CRYBB2: variants seen among roughly 807,000 people sequenced by gnomAD.
CRYBB2 encodes beta-crystallin B2.
In CRYBB2, 12 loss-of-function variants were observed where a neutral mutation model predicts 24.3. The ratio of observed to expected loss-of-function variants is 0.49; its 90% CI spans 0.32 to 0.80. CRYBB2 has a LOEUF of 0.80. Ranked by LOEUF, CRYBB2 falls within the 30% of genes least tolerant of loss-of-function variation. CRYBB2 has a pLI of 0.04. For synonymous variants in CRYBB2, 98 were observed against 101.6 expected (o/e 0.96, Z 0.21); for missense variants, 198 against 268.5 (o/e 0.74, Z 1.83).
chr22:25,218,773 GAGAGAGAAGAAAGAAAGA>G (rs1935248294), upstream of CRYBB2, among the ~76,000 whole-genome samples: 3 of 32,252 alleles, frequency 9.3e-5, no homozygotes, highest in African/African-American at 4.1e-4. Flanking sequence ...GAGAGAGAGA[GAGAGAGAAGAAAGAAAGA>G]AAGAAAGAAA....
chr22:25,214,234 A>G (rs986144465), intron 1 of CRYBB2, among the ~76,000 whole-genome samples: 1 of 152,232 alleles, frequency 6.6e-6, no homozygotes, highest in African/African-American at 2.4e-5. Flanking sequence ...GCTACTCAGG[A>G]GGCTGAGACA....
chr22:25,222,492 C>A (rs1481515222), intron 2 of CRYBB2, among the ~76,000 whole-genome samples: 1 of 152,082 alleles, frequency 6.6e-6, no homozygotes, highest in Non-Finnish European at 1.5e-5. Flanking sequence ...ATTGGGGGTG[C>A]CTTTGCCAGG....
At position 25,229,535 on chromosome 22, in the gene CRYBB2, G is replaced by A; in HGVS notation, c.406G>A (p.Gly136Ser). Residue 136 changes from glycine (G) to serine (S), a missense_variant, in exon 5 of 6, where the codon GGC (glycine) becomes AGC (serine). Transcript: ENST00000398215. ...DDDVPSFHAH[G>S]YQEKVSSVRV... Reference sequence around the variant, plus strand: ...CGATGTACCCAGCTTCCACGCCCATGGCTACCAGGAGAAGGTGTCATCTGT... The same window carrying A: ...CGATGTACCCAGCTTCCACGCCCATAGCTACCAGGAGAAGGTGTCATCTGT... 8 of 1,614,250 alleles carry A rather than the reference G, an allele frequency of 5.0e-6. No individual in the cohort carries two copies. Among genetic ancestry groups the A allele is most frequent in the Non-Finnish European group, 6.8e-6 (8 of 1,180,054 alleles).
upstream of CRYBB2, among the ~76,000 whole-genome samples, chr22:25,211,756 T>C (rs1269005326): frequency 6.6e-6 from 1 of 152,198 alleles, no homozygotes; most frequent in Admixed American, 6.5e-5. Flanking sequence ...AGAGTGACAG[T>C]GAAGCAAGAA....
chr22:25,216,757 G>A (rs934940996), upstream of CRYBB2, among the ~76,000 whole-genome samples: 4 of 152,054 alleles, frequency 2.6e-5, no homozygotes, highest in Non-Finnish European at 4.4e-5. Flanking sequence ...CAGAAACTCT[G>A]TACCCATTAA....
chr22:25,229,601 C>T (rs1935497197), intron 5 of CRYBB2, 23 bp downstream of exon 5: 3 of 1,613,636 alleles, frequency 1.9e-6, no homozygotes, highest in Admixed American at 1.7e-5. Context: ...CCAGCCCTGG[C>T]TCACCCTGCC....
chr22:25,222,887 C>T (rs28683756), intron 2 of CRYBB2, among the ~76,000 whole-genome samples: 1 of 152,068 alleles, frequency 6.6e-6, no homozygotes, highest in Non-Finnish European at 1.5e-5. Flanking sequence ...ATTATTTTTT[C>T]CATTCTGAAT....
intron 2 of CRYBB2, 134 bp downstream of exon 2, chr22:25,221,617 C>T: frequency 1.5e-6 from 1 of 683,386 alleles, no homozygotes; most frequent in Non-Finnish European, 2.6e-6. Context: ...ACTCAGTCTC[C>T]TCTACCCACA....
In CRYBB2 at chr22:25,221,525, CCAGACT is replaced by C. The variant is rs759851218; in HGVS notation, c.54+43_54+48del. 4.0e-6 allele frequency: 6 copies of C among 1,495,320 alleles called. No homozygotes were observed. In the African/African-American group the frequency reaches 8.3e-5, roughly 21 times the overall value. The allele number at this position is 1,495,320 out of a possible 1,614,324, so 92.6% of individuals were successfully genotyped here. ...GGAGGGGGCATGCAATGCTCCTCCC[CCAGACT>C]TAGTTGCCCTTCTGTAAAATGGGCT... On this transcript the variant is annotated intron_variant, in intron 2 of 5. Coordinates refer to ENST00000398215, the MANE Select transcript of CRYBB2 (RefSeq NM_000496.3).
upstream of CRYBB2, among the ~76,000 whole-genome samples, chr22:25,219,245 T>A (rs1000041601): frequency 1.3e-5 from 2 of 152,066 alleles, no homozygotes; most frequent in Non-Finnish European, 2.9e-5. Flanking sequence ...AATAAATGGG[T>A]AGATGAATGA....
chr22:25,224,724 G>C (rs555159097), intron 2 of CRYBB2, among the ~76,000 whole-genome samples, 194 bp from the exon 3 acceptor site: 21 of 152,146 alleles, frequency 1.4e-4, no homozygotes, highest in Non-Finnish European at 2.8e-4. Flanking sequence ...GCTCAGAGAG[G>C]AGAAATGCAG....
chr22:25,218,773 G>GA (rs1398690316), upstream of CRYBB2, among the ~76,000 whole-genome samples: 105 of 32,144 alleles, frequency 3.3e-3, 1 homozygote, highest in East Asian at 0.016. Flanking sequence ...GAGAGAGAGA[G>GA]AGAGAGAAGA....
chr22:25,216,874 A>G (rs1935176683), upstream of CRYBB2, among the ~76,000 whole-genome samples: 1 of 152,178 alleles, frequency 6.6e-6, no homozygotes, highest in Non-Finnish European at 1.5e-5. Flanking sequence ...GTGGAATCAT[A>G]CAATATTTGT....
chr22:25,218,870 A>G (rs1935273738), upstream of CRYBB2, among the ~76,000 whole-genome samples: 1 of 151,884 alleles, frequency 6.6e-6, no homozygotes, highest in African/African-American at 2.4e-5. Flanking sequence ...AGAAAGAGAA[A>G]CAGCCAGGGG....
At position 25,221,484 on chromosome 22, in the gene CRYBB2, G is replaced by A; in HGVS notation, c.54+1G>A. 3 of 1,611,750 alleles carry A rather than the reference G, an allele frequency of 1.9e-6. No homozygotes were observed. The highest frequency in any genetic ancestry group is 2.2e-5 in the East Asian group (1 of 44,848). On this transcript the variant is annotated splice_donor_variant, in intron 2 of 5. Coordinates refer to ENST00000398215, the MANE Select transcript of CRYBB2 (RefSeq NM_000496.3). LOFTEE classifies it high-confidence loss of function. Reference sequence around the variant, plus strand: ...CAAGCCACAGTCCCTCAACCCCAAGGTGGGTACCTCTCAGAGGAGGGGGCA... The same window carrying A: ...CAAGCCACAGTCCCTCAACCCCAAGATGGGTACCTCTCAGAGGAGGGGGCA...
Position 25,231,865 on chromosome 22 carries a change from A to C in CRYBB2, c.*93A>C. 1 of 1,172,436 alleles carries C rather than the reference A, an allele frequency of 8.5e-7. No individual in the cohort carries two copies. The highest frequency in any genetic ancestry group is 1.5e-5 in the African/African-American group (1 of 64,908). The allele number at this position is 1,172,436 out of a possible 1,614,324, so 72.6% of individuals were successfully genotyped here. ...GAGAGTGAATAAAGTGTGACTTGCA[A>C]CTTGTCTGCTGTGGGTCTTTGATCT... On this transcript the variant is annotated 3_prime_UTR_variant, in exon 6 of 6. Coordinates refer to ENST00000398215, the MANE Select transcript of CRYBB2 (RefSeq NM_000496.3).
intron 1 of CRYBB2, 64 bp from the exon 2 acceptor site, chr22:25,221,340 C>T (rs1352573872): frequency 2.1e-6 from 2 of 971,244 alleles, no homozygotes; most frequent in South Asian, 1.3e-5. Context: ...GGTCTCAAGG[C>T]CCCACAGAGT....
chr22:25,218,197 T>G (rs753948279), upstream of CRYBB2, among the ~76,000 whole-genome samples: 72 of 150,932 alleles, frequency 4.8e-4, no homozygotes, highest in Non-Finnish European at 8.3e-4. Flanking sequence ...AGGCAGAGCT[T>G]GCAGTGAGCT....
At chr22:25,219,827 C>G (rs908909973) in intron 1 of CRYBB2, among the ~76,000 whole-genome samples, 161 bp downstream of exon 1, 3 of 152,152 alleles carry the variant, frequency 2.0e-5, no homozygotes, top group African/African-American at 7.2e-5. Context: ...GGTTAAAAAG[C>G]CTTCTTTATT....
Sources: allele counts gnomAD v4.1 joint callset (sites outside exome capture counted in the v4.1 genomes callset), GRCh38; gene constraint gnomAD v4.1.1; transcripts MANE v1.5; gene names NCBI Gene and HGNC (gene_info 2026-07-23, HGNC 2026-07-21).